Variants in MROH1 observed in about 807,000 individuals in gnomAD.
MROH1 encodes the protein maestro heat-like repeat-containing protein family member 1.
A neutral mutation model predicts 116.5 loss-of-function variants in MROH1; 117 were observed. That is an observed-to-expected ratio of 1.00 (90% CI 0.86 to 1.17). The LOEUF is 1.17. Ranked by LOEUF, MROH1 falls within the 50% of genes most tolerant of loss-of-function variation. MROH1 has a pLI of 0.00. For missense variants in MROH1, 1,873 were observed against 1,338.5 expected (o/e 1.40, Z -6.23); for synonymous variants, 921 against 583.9 (o/e 1.58, Z -8.32).
At position 144,241,051 on chromosome 8, in the gene MROH1, G is replaced by A. The variant is rs1840888259; in HGVS notation, c.1995G>A (p.Val665=). The change falls in exon 21 of 44, where the codon GTG becomes GTA. Residue 665 remains valine (V), a synonymous_variant. Transcript: ENST00000326134. ...GTGCTGCTTCAAGTAAGGAGGTGGT[G>A]AGGAAGCACCTTCAAGAGCTGCTGG... is the stretch of plus-strand genomic sequence containing the variant. The part of the protein sequence containing the change: ...TLGAASSKEV[V]RKHLQELLET... The A allele has an allele frequency of 7.7e-6, 6 of 776,292 alleles. No individual in the cohort carries two copies. In the Admixed American group the frequency reaches 1.0e-4, roughly 13 times the overall value. 48.1% of individuals were successfully genotyped at this position (776,292 alleles called of 1,614,324 possible).
intron 10 of MROH1, chr8:144,192,757 G>T: frequency 2.3e-6 from 1 of 427,712 alleles, no homozygotes; most frequent in Non-Finnish European, 4.4e-6. Context: ...CAGAGGAGCA[G>T]AGGAGAGGCC....
intron 1 of MROH1, chr8:144,148,763 T>G (rs1816018367): frequency 6.6e-6 from 1 of 152,664 alleles, no homozygotes; most frequent in South Asian, 2.1e-4. Context: ...AGCTGCAGTG[T>G]GAGGGTCAGA....
intron 4 of MROH1, among the ~76,000 whole-genome samples, chr8:144,171,400 C>T (rs867645698): frequency 7.2e-5 from 11 of 152,212 alleles, no homozygotes; most frequent in Admixed American, 6.5e-5. Context: ...GGGCGCGGAG[C>T]TCCCGGGCCC....
At position 144,180,624 on chromosome 8, in the gene MROH1, G is replaced by C; in HGVS notation, c.562+101G>C. The C allele has an allele frequency of 1.8e-6, 2 of 1,141,784 alleles. No individual in the cohort carries two copies. 70.7% of individuals were successfully genotyped at this position (1,141,784 alleles called of 1,614,324 possible). A position where few individuals can be genotyped will look rare whatever the true frequency, so the allele number is the denominator to read the frequency against. On this transcript the variant is annotated intron_variant, in intron 7 of 43. Coordinates refer to ENST00000326134, the MANE Select transcript of MROH1 (RefSeq NM_032450.3). The surrounding 1 kb of genome is among the most constrained non-coding windows in gnomAD (Gnocchi z 7.4). ...GGGGGACAGGTGGGCACTTTAGGCT[G>C]CAGGAAGGGGGGCTGTTGGAGGGAG... is the stretch of plus-strand genomic sequence containing the variant.
chr8:144,215,498 G>T (rs1341449335), intron 12 of MROH1, among the ~76,000 whole-genome samples: 2 of 152,182 alleles, frequency 1.3e-5, no homozygotes, highest in Admixed American at 1.3e-4. Context: ...ACTTTAAAAA[G>T]CATCTGGCAG....
chr8:144,216,242 A>T (rs969610611), intron 12 of MROH1, among the ~76,000 whole-genome samples: 11 of 152,012 alleles, frequency 7.2e-5, no homozygotes, highest in African/African-American at 2.7e-4. Context: ...TTGGAGGCTG[A>T]GGTGGGCAGA....
intron 14 of MROH1, among the ~76,000 whole-genome samples, chr8:144,227,864 G>A (rs1328930857): frequency 6.6e-6 from 1 of 152,050 alleles, no homozygotes; most frequent in Non-Finnish European, 1.5e-5. Context: ...GAGGTGGGAG[G>A]ATCATTTGAG....
chr8:144,176,536 GA>G (rs113841473), intron 4 of MROH1, among the ~76,000 whole-genome samples: 11 of 129,644 alleles, frequency 8.5e-5, no homozygotes, highest in East Asian at 4.5e-4. Flanking sequence ...CCCTGACTCA[GA>G]AAAAAAAAAA....
chr8:144,186,628 G>A (rs142851892), intron 7 of MROH1, among the ~76,000 whole-genome samples: 43 of 152,282 alleles, frequency 2.8e-4, no homozygotes, highest in African/African-American at 9.9e-4. Flanking sequence ...CGCTGTGATC[G>A]CTGACCCTAG....
At chr8:144,156,544 T>C (rs1818134756) in intron 1 of MROH1, among the ~76,000 whole-genome samples, 1 of 151,090 alleles carries the variant, frequency 6.6e-6, no homozygotes, top group African/African-American at 2.4e-5. Context: ...CCATCTCTCC[T>C]AAAAAAATAC....
intron 22 of MROH1, 100 bp from the exon 23 acceptor site, chr8:144,242,269 C>T (rs1841142749): frequency 7.7e-6 from 6 of 776,450 alleles, no homozygotes; most frequent in South Asian, 5.4e-5. Flanking sequence ...CTGGCTCTGG[C>T]CCTTCTTCTG....
chr8:144,242,823 A>G (rs1841238723), intron 24 of MROH1, among the ~76,000 whole-genome samples, 195 bp downstream of exon 24: 1 of 152,174 alleles, frequency 6.6e-6, no homozygotes, highest in African/African-American at 2.4e-5. Context: ...GGCAGTGGGA[A>G]GAAGGGAGGC....
At chr8:144,209,578 C>CA (rs11377533) in intron 12 of MROH1, among the ~76,000 whole-genome samples, 126,327 of 131,370 alleles carry the variant, frequency 0.96, 60,760 homozygotes, top group Non-Finnish European at 0.99. Flanking sequence ...GACTCCGTCT[C>CA]AAAAAAAAAA....
intron 12 of MROH1, among the ~76,000 whole-genome samples, chr8:144,216,496 C>A (rs1271374493): frequency 6.6e-6 from 1 of 151,940 alleles, no homozygotes; most frequent in Non-Finnish European, 1.5e-5. Context: ...AGAAGAAACA[C>A]AGTGTCCAGT....
At chr8:144,197,122 C>T (rs1195795605) in intron 10 of MROH1, among the ~76,000 whole-genome samples, 1 of 152,154 alleles carries the variant, frequency 6.6e-6, no homozygotes, top group Non-Finnish European at 1.5e-5. Flanking sequence ...ACAACAACAT[C>T]TGTTATCTCA....
chr8:144,159,765 ATTTT>A (rs1161961224), intron 1 of MROH1, among the ~76,000 whole-genome samples: 2 of 123,754 alleles, frequency 1.6e-5, no homozygotes, highest in African/African-American at 3.1e-5. Flanking sequence ...ACGCCTGGTA[ATTTT>A]TTTTTTTTTT....
intron 10 of MROH1, among the ~76,000 whole-genome samples, chr8:144,195,980 A>G (rs1454557074): frequency 1.3e-5 from 2 of 152,182 alleles, no homozygotes; most frequent in African/African-American, 4.8e-5. Flanking sequence ...TGTTATGCAT[A>G]GAAAACCCTT....
At chr8:144,226,461 C>CT (rs1263121045) in intron 14 of MROH1, among the ~76,000 whole-genome samples, 57 of 151,070 alleles carry the variant, frequency 3.8e-4, no homozygotes, top group Non-Finnish European at 5.2e-4. Context: ...TTACGTTGTT[C>CT]TTTTTTTTTG....
At chr8:144,207,516 G>A (rs1381788068) in intron 12 of MROH1, among the ~76,000 whole-genome samples, 1 of 152,026 alleles carries the variant, frequency 6.6e-6, no homozygotes, top group Non-Finnish European at 1.5e-5. Context: ...CATTTTGATT[G>A]ATTTATAGAG....
Sources: allele counts gnomAD v4.1 joint callset (sites outside exome capture counted in the v4.1 genomes callset), GRCh38; gene constraint gnomAD v4.1.1; non-coding constraint Gnocchi (gnomAD v3.1); transcripts MANE v1.5; gene names NCBI Gene and HGNC (gene_info 2026-07-23, HGNC 2026-07-21).